DLGAP2: variants seen among roughly 807,000 people sequenced by gnomAD.
DLGAP2 encodes the protein DLG associated protein 2.
In DLGAP2, 26 loss-of-function variants were observed where a neutral mutation model predicts 100.3. That is an observed-to-expected ratio of 0.26 (90% CI 0.19 to 0.36). The LOEUF (loss-of-function observed/expected upper bound fraction) is 0.36, where lower values mean the gene tolerates loss of function less well. Among genes scored for constraint, DLGAP2 ranks in the 10% least tolerant of loss-of-function variants. The pLI, the probability that DLGAP2 is intolerant of heterozygous loss-of-function variation, is 1.00. For missense variants in DLGAP2, 1,858 were observed against 1,453.2 expected (o/e 1.28, Z -4.53); for synonymous variants, 886 against 630.1 (o/e 1.41, Z -6.08).
chr8:1,509,818 T>A (rs982218059), intron 4 of DLGAP2, among the ~76,000 whole-genome samples: 1 of 152,248 alleles, frequency 6.6e-6, no homozygotes, highest in Non-Finnish European at 1.5e-5. Context: ...TGTCAGTTTT[T>A]ACCATGATTA....
In DLGAP2 at chr8:825,609, G is replaced by A. The variant is rs568241838; in HGVS notation, c.19-82303G>A. On this transcript the variant is annotated intron_variant, in intron 1 of 14. Transcript: ENST00000637795. Reference sequence around the variant, plus strand: ...AGATGTTGCTAATTTGGGTCTTCTCGCTGTTCTTCCTCTTCAGTCTGAAGT... The same window carrying A: ...AGATGTTGCTAATTTGGGTCTTCTCACTGTTCTTCCTCTTCAGTCTGAAGT... 1.4e-4 allele frequency among the ~76,000 whole-genome samples: 22 copies of A among 152,116 alleles called. 1 individual carries two copies. The South Asian group carries it at 3.7e-3, about 26-fold the overall frequency.
intron 3 of DLGAP2, among the ~76,000 whole-genome samples, chr8:1,390,357 T>C (rs1029371630): frequency 4.6e-5 from 7 of 151,666 alleles, no homozygotes; most frequent in Non-Finnish European, 2.9e-5. Context: ...ACTCCGTTTA[T>C]TAAAATAATA....
chr8:1,572,358 A>G (rs1802755204), intron 6 of DLGAP2, among the ~76,000 whole-genome samples: 1 of 82,908 alleles, frequency 1.2e-5, no homozygotes, highest in Non-Finnish European at 2.5e-5. Flanking sequence ...GATGGAGAGG[A>G]GAGAGGGTGA....
intron 2 of DLGAP2, among the ~76,000 whole-genome samples, chr8:944,283 A>G (rs1351077824): frequency 6.7e-6 from 1 of 150,360 alleles, no homozygotes; most frequent in Non-Finnish European, 1.5e-5. Flanking sequence ...GTGGATTGTA[A>G]CCAGCCCATG....
chr8:870,525 C>T, intron 1 of DLGAP2, among the ~76,000 whole-genome samples: 1 of 152,164 alleles, frequency 6.6e-6, no homozygotes. Flanking sequence ...TGTCTCCTCT[C>T]ACTTCCTGCT....
intron 8 of DLGAP2, among the ~76,000 whole-genome samples, chr8:1,667,108 A>AG (rs1386277080): frequency 6.6e-6 from 1 of 152,154 alleles, no homozygotes; most frequent in Non-Finnish European, 1.5e-5. Context: ...CACTCTGATG[A>AG]GGGGAGCAGA....
At chr8:1,289,984 G>C (rs1800023060) in intron 3 of DLGAP2, among the ~76,000 whole-genome samples, 1 of 152,216 alleles carries the variant, frequency 6.6e-6, no homozygotes, top group Non-Finnish European at 1.5e-5. Flanking sequence ...TAGGCAGAAA[G>C]GAAGGGGTAG....
At chr8:912,568 C>T (rs931591542) in intron 2 of DLGAP2, among the ~76,000 whole-genome samples, 2 of 152,120 alleles carry the variant, frequency 1.3e-5, no homozygotes, top group African/African-American at 4.8e-5. Context: ...GAGTTCTTGG[C>T]AGCCACCAGT....
chr8:854,530 G>T (rs1182508034), intron 1 of DLGAP2, among the ~76,000 whole-genome samples: 1 of 151,992 alleles, frequency 6.6e-6, no homozygotes, highest in Non-Finnish European at 1.5e-5. Flanking sequence ...GGTGAGAGAG[G>T]GCCGGACTGA....
chr8:1,190,766 C>G (rs10111719), intron 2 of DLGAP2, among the ~76,000 whole-genome samples: 65,830 of 151,994 alleles, frequency 0.43, 14,359 homozygotes, highest in Non-Finnish European at 0.46. Flanking sequence ...AGACCCATGA[C>G]TAGAGCCCAG....
At chr8:1,693,813 G>C (rs960532385) in intron 13 of DLGAP2, among the ~76,000 whole-genome samples, 6 of 152,208 alleles carry the variant, frequency 3.9e-5, no homozygotes, top group African/African-American at 1.4e-4. Context: ...GAAAGGTTTT[G>C]AGTGCCTCGA....
At chr8:1,415,940 G>C (rs1482759205) in intron 3 of DLGAP2, among the ~76,000 whole-genome samples, 2 of 152,184 alleles carry the variant, frequency 1.3e-5, no homozygotes, top group African/African-American at 4.8e-5. Context: ...AACTCCTTGA[G>C]GGGTCATTTC....
In DLGAP2 at chr8:978,760, T is replaced by C. The variant is rs371195415; in HGVS notation, c.73+70794T>C. Among the ~76,000 whole-genome samples, 206 of 152,218 alleles carry C rather than the reference T, an allele frequency of 1.4e-3. 9 individuals are homozygous for C. In the South Asian group the frequency reaches 0.042, roughly 31 times the overall value. ...TATATCATCTGGTAAGGCATTTCAA[T>C]GGTGGGATTTTCCCCAGAAGTGAAT... On this transcript the variant is annotated intron_variant, in intron 2 of 14. Transcript: ENST00000637795.
At chr8:1,141,553 G>T (rs953448650) in intron 2 of DLGAP2, among the ~76,000 whole-genome samples, 1 of 152,032 alleles carries the variant, frequency 6.6e-6, no homozygotes, top group Non-Finnish European at 1.5e-5. Context: ...TTATTAATGG[G>T]AACTCAGACA....
At chr8:817,345 A>G (rs1323579690) in intron 1 of DLGAP2, among the ~76,000 whole-genome samples, 1 of 152,086 alleles carries the variant, frequency 6.6e-6, no homozygotes, top group Admixed American at 6.5e-5. Flanking sequence ...TATCTATTTC[A>G]CTGAAGAAGG....
At chr8:1,288,560 GGT>G (rs1799990603) in intron 3 of DLGAP2, among the ~76,000 whole-genome samples, 4 of 125,716 alleles carry the variant, frequency 3.2e-5, no homozygotes, top group African/African-American at 1.3e-4. Flanking sequence ...GTGTGTGTGT[GGT>G]TAGGAGGGGA....
At chr8:1,659,560 C>G (rs535530407) in intron 8 of DLGAP2, among the ~76,000 whole-genome samples, 46 of 152,244 alleles carry the variant, frequency 3.0e-4, no homozygotes, top group African/African-American at 1.1e-3. Flanking sequence ...GGATAGTTAG[C>G]TCTTCTTGTT....
At chr8:1,049,734 C>T (rs769549869) in intron 2 of DLGAP2, among the ~76,000 whole-genome samples, 2 of 150,272 alleles carry the variant, frequency 1.3e-5, no homozygotes, top group Non-Finnish European at 2.9e-5. Flanking sequence ...GAGGCACAGA[C>T]ATACATGAAC....
intron 6 of DLGAP2, among the ~76,000 whole-genome samples, chr8:1,576,047 T>A (rs1449335187): frequency 6.6e-6 from 1 of 152,286 alleles, no homozygotes; most frequent in East Asian, 1.9e-4. Context: ...CGCCACACTG[T>A]CTTCCACAAT....
Sources: gnomAD v4.1 joint callset for allele counts (sites outside exome capture counted in the v4.1 genomes callset) on GRCh38, gnomAD v4.1.1 for gene constraint, MANE v1.5 for transcripts, NCBI Gene and HGNC (gene_info 2026-07-23, HGNC 2026-07-21) for gene names.